Variants in ADGRL3 observed in about 807,000 individuals in gnomAD.
ADGRL3 encodes the protein calcium-independent alpha-latrotoxin receptor 3.
Under a neutral mutation model 153.5 loss-of-function variants are expected in ADGRL3, and 62 were observed. The observed-to-expected ratio is 0.40, with a 90% CI of 0.33 to 0.50. The LOEUF (loss-of-function observed/expected upper bound fraction) is 0.50. Ranked by LOEUF, ADGRL3 falls within the 20% of genes least tolerant of loss-of-function variation. ADGRL3 has a pLI of 0.47. For missense variants in ADGRL3, 1,641 were observed against 1,859.4 expected (o/e 0.88, Z 2.16); for synonymous variants, 710 against 672.5 (o/e 1.06, Z -0.86).
intron 8 of ADGRL3, among the ~76,000 whole-genome samples, chr4:61,804,295 T>G (rs2097530786): frequency 6.6e-6 from 1 of 152,172 alleles, no homozygotes; most frequent in Middle Eastern, 3.2e-3. Context: ...TTGATCTCAA[T>G]CAGCTAACTA....
intron 5 of ADGRL3, among the ~76,000 whole-genome samples, chr4:61,589,127 A>G (rs2098958785): frequency 6.6e-6 from 1 of 152,094 alleles, no homozygotes; most frequent in Non-Finnish European, 1.5e-5. Context: ...GCGTACACTA[A>G]GTGACAAATG....
intron 4 of ADGRL3, among the ~76,000 whole-genome samples, chr4:61,563,776 G>A (rs1424753899): frequency 2.6e-5 from 4 of 152,254 alleles, no homozygotes; most frequent in African/African-American, 9.6e-5. Flanking sequence ...TTGGGAGGTC[G>A]AGGCGGGCAG....
chr4:61,653,170 T>TCA (rs34273823), intron 5 of ADGRL3, among the ~76,000 whole-genome samples: 3,245 of 91,022 alleles, frequency 0.036, 72 homozygotes, highest in African/African-American at 0.07. Context: ...TCTCTCTCTC[T>TCA]CACACACACA....
intron 5 of ADGRL3, among the ~76,000 whole-genome samples, chr4:61,596,121 TTTGA>T (rs112709801): frequency 0.032 from 4,897 of 152,238 alleles, 242 homozygotes; most frequent in African/African-American, 0.11. Context: ...AACCAGGTAC[TTTGA>T]TTGCTCATCT....
At chr4:61,284,743 G>C (rs2093864664) in intron 1 of ADGRL3, among the ~76,000 whole-genome samples, 1 of 151,686 alleles carries the variant, frequency 6.6e-6, no homozygotes, top group Non-Finnish European at 1.5e-5. Context: ...TTGGTTGTGT[G>C]CTTTCTTAAA....
At chr4:61,796,252 G>A (rs2097410262) in intron 8 of ADGRL3, among the ~76,000 whole-genome samples, 1 of 152,278 alleles carries the variant, frequency 6.6e-6, no homozygotes, top group South Asian at 2.1e-4. Context: ...GTCTCTATTA[G>A]AATGGGGTCT....
intron 2 of ADGRL3, among the ~76,000 whole-genome samples, chr4:61,438,941 T>C (rs113575000): frequency 0.014 from 2,175 of 152,142 alleles, 57 homozygotes; most frequent in African/African-American, 0.049. Context: ...TCGCCTGACC[T>C]CATGATCCGC....
intron 2 of ADGRL3, among the ~76,000 whole-genome samples, chr4:61,438,853 G>A (rs1248876647): frequency 2.0e-5 from 3 of 151,650 alleles, no homozygotes; most frequent in African/African-American, 4.8e-5. Context: ...GACTACAGGC[G>A]CCCGCCACCA....
chr4:62,030,312 A>G (rs908351699), intron 22 of ADGRL3, among the ~76,000 whole-genome samples: 5 of 151,512 alleles, frequency 3.3e-5, no homozygotes, highest in African/African-American at 9.7e-5. Flanking sequence ...TTCCTAAGTC[A>G]TTATAGTGGA....
At position 61,760,479 on chromosome 4, in the gene ADGRL3, G is replaced by T. The variant is rs2096898216; in HGVS notation, c.1399+26925G>T. Among the ~76,000 whole-genome samples, 3 of 152,308 alleles carry T rather than the reference G, an allele frequency of 2.0e-5. No individual in the cohort carries two copies. In the South Asian group the frequency reaches 6.2e-4, roughly 32 times the overall value. On this transcript the variant is annotated intron_variant, in intron 8 of 26. Coordinates refer to ENST00000683033, the MANE Select transcript of ADGRL3 (RefSeq NM_001387552.1). ...AGCCAGGCACGGGATATAATCTCCT[G>T]GTGTGCCATTTGCTAAGACCATTGG...
intron 1 of ADGRL3, among the ~76,000 whole-genome samples, chr4:61,299,299 T>C (rs1489109052): frequency 6.6e-6 from 1 of 152,190 alleles, no homozygotes; most frequent in Admixed American, 6.5e-5. Context: ...GTCAGGGACA[T>C]GCATTCATAG....
intron 2 of ADGRL3, among the ~76,000 whole-genome samples, chr4:61,407,988 A>G (rs1578689279): frequency 6.6e-6 from 1 of 152,116 alleles, no homozygotes; most frequent in Non-Finnish European, 1.5e-5. Context: ...ATCTAAATAC[A>G]TATGTTAGTA....
intron 6 of ADGRL3, among the ~76,000 whole-genome samples, chr4:61,723,113 C>T (rs1021860896): frequency 6.6e-6 from 1 of 152,134 alleles, no homozygotes; most frequent in Non-Finnish European, 1.5e-5. Flanking sequence ...CTTGACAATT[C>T]CCCCTTTCTC....
chr4:61,744,651 G>A (rs957694467), intron 8 of ADGRL3, among the ~76,000 whole-genome samples: 32 of 152,240 alleles, frequency 2.1e-4, no homozygotes, highest in Non-Finnish European at 4.6e-4. Context: ...TGCAGCTGAG[G>A]GTCCTATCTG....
At chr4:61,976,572 G>C (rs1384493514) in intron 17 of ADGRL3, among the ~76,000 whole-genome samples, 1 of 152,094 alleles carries the variant, frequency 6.6e-6, no homozygotes, top group African/African-American at 2.4e-5. Context: ...GGATGACTCA[G>C]AAAAAACCCT....
chr4:61,979,180 A>G (rs1476584826), intron 17 of ADGRL3, among the ~76,000 whole-genome samples: 1 of 152,220 alleles, frequency 6.6e-6, no homozygotes, highest in African/African-American at 2.4e-5. Context: ...AATTGTAAAT[A>G]GTATTCCCTA....
chr4:61,724,173 ATAG>A (rs2151690623), intron 6 of ADGRL3, among the ~76,000 whole-genome samples: 1 of 152,326 alleles, frequency 6.6e-6, no homozygotes, highest in Admixed American at 6.5e-5. Context: ...TGGTTATCAT[ATAG>A]TAGTAACAAA....
At chr4:62,014,452 A>G (rs1358822474) in intron 21 of ADGRL3, among the ~76,000 whole-genome samples, 1 of 152,200 alleles carries the variant, frequency 6.6e-6, no homozygotes, top group Non-Finnish European at 1.5e-5. Context: ...GGAAGTATAC[A>G]AAAATGTCAG....
At chr4:62,066,745 T>C (rs1440929140) in intron 25 of ADGRL3, among the ~76,000 whole-genome samples, 1 of 152,116 alleles carries the variant, frequency 6.6e-6, no homozygotes, top group Non-Finnish European at 1.5e-5. Flanking sequence ...TTGGTAAGAA[T>C]ACAAGATCAT....
Sources: allele counts gnomAD v4.1 joint callset (sites outside exome capture counted in the v4.1 genomes callset), GRCh38; gene constraint gnomAD v4.1.1; transcripts MANE v1.5; gene names NCBI Gene and HGNC (gene_info 2026-07-23, HGNC 2026-07-21).